The following KLHL10 variants were observed in gnomAD, a reference collection of about 807,000 sequenced individuals.
The protein encoded by KLHL10 is kelch-like protein 10.
In KLHL10, 11 loss-of-function variants were observed where a neutral mutation model predicts 46.6. The ratio of observed to expected loss-of-function variants is 0.24; its 90% CI spans 0.15 to 0.39. KLHL10 has a LOEUF of 0.39. Among genes scored for constraint, KLHL10 ranks in the 10% least tolerant of loss-of-function variants. The pLI is 1.00. For missense variants in KLHL10, 475 were observed against 789.8 expected (o/e 0.60, Z 4.78); for synonymous variants, 254 against 279.1 (o/e 0.91, Z 0.90).
chr17:41,847,291 G>A lies in KLHL10; in HGVS notation c.1333G>A (p.Glu445Lys). 1 of 1,613,956 alleles carries A rather than the reference G, an allele frequency of 6.2e-7. No individual in the cohort carries two copies. Among genetic ancestry groups the A allele is most frequent in the Non-Finnish European group, 8.5e-7 (1 of 1,179,946 alleles). ...VYICGGFNGN[E>K]CLFTAEVYNT... ...CATATGTGGTGGGTTTAATGGAAAC[G>A]AGTGCCTGTTCACAGCAGAAGTGTA... The change falls in exon 4 of 5, where the codon GAG becomes AAG. Residue 445 changes from glutamate to lysine, a missense_variant. Physicochemically the swap from Glu to Lys is moderately conservative, Grantham distance 56. Coordinates refer to ENST00000293303, the MANE Select transcript of KLHL10 (RefSeq NM_152467.5).
chr17:41,841,145 A>G (rs1331416688), intron 1 of KLHL10, among the ~76,000 whole-genome samples: 1 of 151,940 alleles, frequency 6.6e-6, no homozygotes, highest in African/African-American at 2.4e-5. Context: ...GTTTCCAAAA[A>G]AAAAAAGAAA....
At chr17:41,846,726 A>G (rs1597941061) in intron 3 of KLHL10, among the ~76,000 whole-genome samples, 2 of 152,112 alleles carry the variant, frequency 1.3e-5, no homozygotes, top group Non-Finnish European at 1.5e-5. Context: ...ACACACCTGT[A>G]ATTTCAGCTA....
chr17:41,847,551 G>A, intron 4 of KLHL10, 141 bp downstream of exon 4: 2 of 993,542 alleles, frequency 2.0e-6, no homozygotes, highest in Non-Finnish European at 3.0e-6. Flanking sequence ...TGTTGCCCAG[G>A]CTGTACTGCA....
At chr17:41,836,512 C>T (rs2048162489), upstream of KLHL10, 18 of 960,704 alleles carry the variant, frequency 1.9e-5, no homozygotes, top group South Asian at 7.7e-4. Context: ...CATTTCCAGG[C>T]TGAAAGTTTG....
At chr17:41,837,558 T>G, upstream of KLHL10, 1 of 1,060,322 alleles carries the variant, frequency 9.4e-7, no homozygotes. Flanking sequence ...GGAAGGTAGA[T>G]GAATGCTCCA....
rs544534731 is a variant in KLHL10 at position 41,845,757 on chromosome 17, G to A, written c.1302+14G>A. The A allele has an allele frequency of 1.4e-5, 22 of 1,614,018 alleles. No individual in the cohort carries two copies. Among genetic ancestry groups the A allele is most frequent in the Non-Finnish European group, 8.5e-7 (1 of 1,180,030 alleles). Reference sequence around the variant, plus strand: ...CTTTATGGGAAGGTAAAGGACCAGGGTGGGAGGGGAAGATGTGGATGCAAA... The same window carrying A: ...CTTTATGGGAAGGTAAAGGACCAGGATGGGAGGGGAAGATGTGGATGCAAA... On this transcript the variant is annotated intron_variant, in intron 3 of 4. Transcript: ENST00000293303.
chr17:41,836,884 C>G (rs1185573846), upstream of KLHL10, among the ~76,000 whole-genome samples: 3 of 152,170 alleles, frequency 2.0e-5, no homozygotes, highest in African/African-American at 7.2e-5. Flanking sequence ...GAGCCATAAA[C>G]TGAATTCTGT....
At chr17:41,835,885 G>T (rs782255988), upstream of KLHL10, 3 of 1,609,288 alleles carry the variant, frequency 1.9e-6, no homozygotes, top group Non-Finnish European at 2.5e-6. Flanking sequence ...CCGCCCTTGC[G>T]GAGGGCGCCC....
At chr17:41,846,408 G>C (rs1489608696) in intron 3 of KLHL10, among the ~76,000 whole-genome samples, 1 of 151,466 alleles carries the variant, frequency 6.6e-6, no homozygotes, top group African/African-American at 2.4e-5. Context: ...TGTAGTCCCA[G>C]CTACTCAGGA....
rs782178911 is a variant in KLHL10 at position 41,848,109 on chromosome 17, T to C, written c.1629T>C (p.Asn543=). ...GGFNGFTTTF[N]VECYDEKTDE... ...TTAATGGTTTTACCACCACCTTTAA[T>C]GTTGAGTGCTATGATGAAAAGACCG... is the stretch of plus-strand genomic sequence containing the variant. Residue 543 remains asparagine, a synonymous_variant, in exon 5 of 5, where the codon AAT becomes AAC. Coordinates refer to ENST00000293303, the MANE Select transcript of KLHL10 (RefSeq NM_152467.5). The C allele has an allele frequency of 1.9e-6, 3 of 1,614,040 alleles. No individual in the cohort carries two copies. In the African/African-American group the frequency reaches 4.0e-5, roughly 22 times the overall value.
chr17:41,844,512 G>A (rs529491218), intron 2 of KLHL10, among the ~76,000 whole-genome samples: 11 of 146,884 alleles, frequency 7.5e-5, no homozygotes, highest in East Asian at 4.1e-4. Context: ...GATTGCAGGC[G>A]TGAGCCACTG....
intron 1 of KLHL10, among the ~76,000 whole-genome samples, chr17:41,838,330 T>C (rs868984876): frequency 4.6e-5 from 7 of 151,946 alleles, no homozygotes; most frequent in South Asian, 4.1e-4. Flanking sequence ...GATGCAATCA[T>C]AGCTCACTGC....
chr17:41,841,844 G>C lies in KLHL10; in HGVS notation c.216G>C (p.Trp72Cys), dbSNP rs2048229577. 2 of 1,614,076 alleles carry C rather than the reference G, an allele frequency of 1.2e-6. No homozygotes were observed. Among genetic ancestry groups the C allele is most frequent in the Non-Finnish European group, 1.7e-6 (2 of 1,180,016 alleles). ...SYFRALFTSG[W>C]NNTEKKVYNI... ...CCAGAGCTTTGTTTACAAGTGGCTG[G>C]AACAACACTGAAAAGAAGGTATACA... Residue 72 changes from tryptophan (W) to cysteine (C), a missense_variant, in exon 2 of 5, where the codon TGG (tryptophan) becomes TGC (cysteine). Coordinates refer to ENST00000293303, the MANE Select transcript of KLHL10 (RefSeq NM_152467.5).
upstream of KLHL10, chr17:41,836,214 C>T (rs927508071): frequency 6.5e-6 from 8 of 1,234,208 alleles, no homozygotes; most frequent in African/African-American, 1.2e-4. Context: ...GCCTGGTCGG[C>T]GGCTCGCGGG....
At chr17:41,844,608 G>A (rs1367515699) in intron 2 of KLHL10, among the ~76,000 whole-genome samples, 3 of 144,084 alleles carry the variant, frequency 2.1e-5, no homozygotes, top group African/African-American at 7.8e-5. Context: ...GAGTGCAGTA[G>A]GGTGATCTCG....
chr17:41,847,828 T>TAATG (rs2048305714), intron 4 of KLHL10, 105 bp from the exon 5 acceptor site: 1 of 1,476,114 alleles, frequency 6.8e-7, no homozygotes. Flanking sequence ...TCATGGAAGA[T>TAATG]AATGGAAGAG....
At chr17:41,836,502 C>A, upstream of KLHL10, 1 of 968,224 alleles carries the variant, frequency 1.0e-6, no homozygotes, top group Non-Finnish European at 1.2e-6. Context: ...CAAACGTGGT[C>A]ATTTCCAGGC....
chr17:41,839,926 C>T (rs933648966), intron 1 of KLHL10, among the ~76,000 whole-genome samples: 1 of 150,934 alleles, frequency 6.6e-6, no homozygotes, highest in Admixed American at 6.6e-5. Context: ...GTCACCCAGG[C>T]TGGAATGCAA....
intron 1 of KLHL10, among the ~76,000 whole-genome samples, chr17:41,840,955 A>G (rs1597934815): frequency 1.3e-5 from 2 of 152,238 alleles, no homozygotes; most frequent in South Asian, 4.1e-4. Context: ...CCTGGCCAAC[A>G]TGGTGAAATC....
Sources: gnomAD v4.1 joint callset for allele counts (sites outside exome capture counted in the v4.1 genomes callset) on GRCh38, gnomAD v4.1.1 for gene constraint, MANE v1.5 for transcripts, NCBI Gene and HGNC (gene_info 2026-07-23, HGNC 2026-07-21) for gene names.